Variants in GHR observed in about 807,000 individuals in gnomAD.
GHR encodes growth hormone receptor.
In GHR, 35 loss-of-function variants were observed where a neutral mutation model predicts 67.1. The observed-to-expected ratio is 0.52, with a 90% confidence interval of 0.40 to 0.69. The LOEUF (loss-of-function observed/expected upper bound fraction) is 0.69. Among genes scored for constraint, GHR ranks in the 30% least tolerant of loss-of-function variants. The pLI is 0.00. For missense variants in GHR, 792 were observed against 764.6 expected (o/e 1.04, Z -0.42); for synonymous variants, 272 against 269.1 (o/e 1.01, Z -0.10).
intron 1 of GHR, among the ~76,000 whole-genome samples, chr5:42,425,448 C>A (rs1394194264): frequency 6.6e-6 from 1 of 152,190 alleles, no homozygotes; most frequent in Non-Finnish European, 1.5e-5. Context: ...ACCTGAATCA[C>A]CCTAGAAGTG....
intron 3 of GHR, among the ~76,000 whole-genome samples, chr5:42,652,260 A>G (rs193136581): frequency 9.6e-4 from 142 of 148,114 alleles, no homozygotes; most frequent in African/African-American, 3.5e-3. Flanking sequence ...AATAAAACTG[A>G]TAAAACTGCT....
chr5:42,673,069 A>T (rs1756397167), intron 3 of GHR, among the ~76,000 whole-genome samples: 1 of 152,190 alleles, frequency 6.6e-6, no homozygotes, highest in East Asian at 1.9e-4. Flanking sequence ...TTGAGCAAAC[A>T]AAAAACAACC....
chr5:42,546,268 C>A (rs1368900452), intron 1 of GHR, among the ~76,000 whole-genome samples: 1 of 152,148 alleles, frequency 6.6e-6, no homozygotes, highest in African/African-American at 2.4e-5. Flanking sequence ...GGCTGGTCAC[C>A]AAACCACTGA....
chr5:42,443,212 G>C (rs1743656363), intron 1 of GHR, among the ~76,000 whole-genome samples: 1 of 152,144 alleles, frequency 6.6e-6, no homozygotes, highest in Non-Finnish European at 1.5e-5. Flanking sequence ...TCTTGGAATG[G>C]TCTTGAGCCT....
chr5:42,455,958 C>A (rs750251028), intron 1 of GHR, among the ~76,000 whole-genome samples: 4 of 152,146 alleles, frequency 2.6e-5, no homozygotes, highest in Admixed American at 1.3e-4. Flanking sequence ...TAGGTTAGAC[C>A]AGATTAGTGG....
chr5:42,513,556 G>A (rs1747112907), intron 1 of GHR, among the ~76,000 whole-genome samples: 1 of 152,210 alleles, frequency 6.6e-6, no homozygotes, highest in African/African-American at 2.4e-5. Flanking sequence ...GGGAGGCCGA[G>A]GTGGGCCGAT....
chr5:42,719,426 C>T lies in GHR; in HGVS notation c.*2C>T, dbSNP rs1446062987. On this transcript the variant is annotated 3_prime_UTR_variant, in exon 10 of 10. Coordinates refer to ENST00000230882, the MANE Select transcript of GHR (RefSeq NM_000163.5). ...CAACTGAACAAAATCATGCCTTAGC[C>T]TTTCTTTGGTTTCCCAAGAGCTACG... The T allele has an allele frequency of 7.4e-6, 12 of 1,611,776 alleles. No homozygotes were observed. The highest frequency in any genetic ancestry group is 1.0e-5 in the Non-Finnish European group (12 of 1,179,794).
At chr5:42,702,138 T>C (rs74438157) in intron 6 of GHR, among the ~76,000 whole-genome samples, 1 of 152,238 alleles carries the variant, frequency 6.6e-6, no homozygotes, top group African/African-American at 2.4e-5. Flanking sequence ...TTTTGCACAA[T>C]AGATTTCTTA....
intron 3 of GHR, among the ~76,000 whole-genome samples, chr5:42,666,324 CA>C (rs1755976887): frequency 6.6e-6 from 1 of 152,028 alleles, no homozygotes; most frequent in Admixed American, 6.6e-5. Context: ...AAACTATTAT[CA>C]TTTTGACATG....
intron 1 of GHR, among the ~76,000 whole-genome samples, chr5:42,495,277 G>C (rs1210801504): frequency 6.6e-6 from 1 of 152,024 alleles, no homozygotes; most frequent in East Asian, 1.9e-4. Flanking sequence ...CATGTACTGG[G>C]AGACATGCAT....
Position 42,629,057 on chromosome 5 carries a change from C to A in GHR, c.90C>A (p.Ser30Arg). The A allele has an allele frequency of 7.1e-7, 1 of 1,416,292 alleles. No homozygotes were observed. The highest frequency in any genetic ancestry group is 9.7e-7 in the Non-Finnish European group (1 of 1,030,486). The allele number at this position is 1,416,292 out of a possible 1,614,324, so 87.7% of individuals were successfully genotyped here. Residue 30 changes from serine (S) to arginine (R), a missense_variant, in exon 3 of 10, where the codon AGC becomes AGA. Coordinates refer to ENST00000230882, the MANE Select transcript of GHR (RefSeq NM_000163.5). ...SGSEATAAIL[S>R]RAPWSLQSVN... ...TTTCAGCCACAGCAGCTATCCTTAG[C>A]AGAGCACCCTGGAGTCTGCAAAGTG...
chr5:42,582,180 A>T (rs928278595), intron 2 of GHR, among the ~76,000 whole-genome samples: 2 of 152,228 alleles, frequency 1.3e-5, no homozygotes, highest in Non-Finnish European at 2.9e-5. Flanking sequence ...TGTGGATGAC[A>T]TGTAGATGGT....
At position 42,657,014 on chromosome 5, in the gene GHR, A is replaced by T. The variant is rs547060355; in HGVS notation, c.136+27911A>T. 1.0e-3 allele frequency among the ~76,000 whole-genome samples: 153 copies of T among 152,232 alleles called. 1 individual carries two copies. The highest frequency in any genetic ancestry group is 3.6e-3 in the African/African-American group (151 of 41,552). On this transcript the variant is annotated intron_variant, in intron 3 of 9. Transcript: ENST00000230882. ...CTTTCTTATCACTGTAACCCTGAAC[A>T]TGGTCTTAATCTTGTGTCATAGAAT...
intron 1 of GHR, among the ~76,000 whole-genome samples, chr5:42,527,340 T>C (rs1464014803): frequency 6.6e-6 from 1 of 152,070 alleles, no homozygotes; most frequent in Non-Finnish European, 1.5e-5. Flanking sequence ...CCATCTCACA[T>C]AGCCTCAAAA....
intron 1 of GHR, among the ~76,000 whole-genome samples, chr5:42,514,526 A>G (rs1747160224): frequency 6.6e-6 from 1 of 152,162 alleles, no homozygotes; most frequent in African/African-American, 2.4e-5. Flanking sequence ...AACCAATATA[A>G]ATGGGTAATT....
intron 2 of GHR, among the ~76,000 whole-genome samples, chr5:42,610,729 A>C (rs542457605): frequency 1.3e-4 from 20 of 151,978 alleles, no homozygotes; most frequent in African/African-American, 4.8e-4. Context: ...GAAAGGAAAG[A>C]GGTAGGGAGG....
intron 2 of GHR, among the ~76,000 whole-genome samples, chr5:42,594,401 A>T (rs574530300): frequency 2.2e-4 from 34 of 152,304 alleles, no homozygotes; most frequent in African/African-American, 8.2e-4. Flanking sequence ...AGTTTGGAAA[A>T]CAGTTTTGGC....
intron 1 of GHR, among the ~76,000 whole-genome samples, chr5:42,532,815 T>C (rs1020603206): frequency 6.6e-6 from 1 of 152,156 alleles, no homozygotes; most frequent in African/African-American, 2.4e-5. Context: ...CTTATGAAAA[T>C]ACCACAATTT....
At chr5:42,477,920 G>T (rs1425527161) in intron 1 of GHR, among the ~76,000 whole-genome samples, 2 of 152,056 alleles carry the variant, frequency 1.3e-5, no homozygotes, top group East Asian at 1.9e-4. Flanking sequence ...TGCTTTTGTT[G>T]CCATTGCTTT....
Sources: allele counts gnomAD v4.1 joint callset (sites outside exome capture counted in the v4.1 genomes callset), GRCh38; gene constraint gnomAD v4.1.1; transcripts MANE v1.5; gene names NCBI Gene and HGNC (gene_info 2026-07-23, HGNC 2026-07-21).